KALRN: variants seen among roughly 807,000 people sequenced by gnomAD.
The protein encoded by KALRN is kalirin.
In KALRN, 70 loss-of-function variants were observed where a neutral mutation model predicts 353.7. The ratio of observed to expected loss-of-function variants is 0.20; its 90% confidence interval spans 0.16 to 0.24. The LOEUF (loss-of-function observed/expected upper bound fraction) is 0.24, where lower values mean the gene tolerates loss of function less well. Ranked by LOEUF, KALRN falls within the 10% of genes least tolerant of loss-of-function variation. KALRN has a pLI of 1.00. For synonymous variants in KALRN, 1,391 were observed against 1,434.8 expected (o/e 0.97, Z 0.69); for missense variants, 2,791 against 3,756.7 (o/e 0.74, Z 6.72).
At chr3:124,052,031 G>C (rs899917569) in intron 1 of KALRN, among the ~76,000 whole-genome samples, 1 of 152,322 alleles carries the variant, frequency 6.6e-6, no homozygotes. Context: ...ATAGCAGGTG[G>C]GGGGACAGGG....
intron 51 of KALRN, among the ~76,000 whole-genome samples, chr3:124,683,436 C>A (rs1282621616): frequency 6.6e-6 from 1 of 152,162 alleles, no homozygotes; most frequent in African/African-American, 2.4e-5. Flanking sequence ...TTTGTACCTG[C>A]CCCCTAGCCC....
At chr3:124,647,698 T>A (rs1484428089) in intron 37 of KALRN, among the ~76,000 whole-genome samples, 1 of 152,174 alleles carries the variant, frequency 6.6e-6, no homozygotes, top group Non-Finnish European at 1.5e-5. Context: ...TTTGCAAATA[T>A]TTAGCATGTA....
chr3:124,374,408 C>T (rs1219867716), intron 10 of KALRN: 1 of 152,206 alleles, frequency 6.6e-6, no homozygotes, highest in Non-Finnish European at 1.5e-5. Context: ...TACCTTTGCT[C>T]TTATATCAGA....
intron 12 of KALRN, among the ~76,000 whole-genome samples, chr3:124,396,503 T>C (rs2090176961): frequency 2.0e-5 from 3 of 152,198 alleles, no homozygotes; most frequent in Admixed American, 2.0e-4. Flanking sequence ...GTCATTTGCT[T>C]CCGAAGAGAA....
At chr3:124,371,305 A>G (rs1034292730) in intron 10 of KALRN, among the ~76,000 whole-genome samples, 7 of 152,160 alleles carry the variant, frequency 4.6e-5, no homozygotes, top group African/African-American at 1.7e-4. Context: ...CTCTTCATCC[A>G]TTTATTCACT....
chr3:124,199,846 C>T (rs2075798252), intron 1 of KALRN, among the ~76,000 whole-genome samples: 1 of 152,178 alleles, frequency 6.6e-6, no homozygotes, highest in Admixed American at 6.5e-5. Context: ...GACAAGATGG[C>T]CACTGGAAGG....
At chr3:124,652,149 A>T (rs2083486211) in intron 38 of KALRN, among the ~76,000 whole-genome samples, 1 of 152,196 alleles carries the variant, frequency 6.6e-6, no homozygotes, top group South Asian at 2.1e-4. Context: ...AACTAGCAAA[A>T]ATAAGTGAGG....
chr3:124,397,333 G>A (rs1233130842), intron 12 of KALRN, among the ~76,000 whole-genome samples: 2 of 152,198 alleles, frequency 1.3e-5, no homozygotes, highest in African/African-American at 4.8e-5. Context: ...CAGGAATAGG[G>A]AGCCCTGTGA....
intron 51 of KALRN, among the ~76,000 whole-genome samples, chr3:124,688,310 C>CAAAA (rs59265829): frequency 0.073 from 6,026 of 83,046 alleles, 243 homozygotes; most frequent in Middle Eastern, 0.16. Flanking sequence ...GAGACCCTGT[C>CAAAA]AAAAAAAAAA....
intron 1 of KALRN, among the ~76,000 whole-genome samples, chr3:124,040,559 C>T (rs1218167890): frequency 6.6e-6 from 1 of 152,180 alleles, no homozygotes; most frequent in Admixed American, 6.5e-5. Context: ...TCCAAAATGT[C>T]AGTAATGCTG....
chr3:124,130,783 A>G (rs1258167715), intron 1 of KALRN, among the ~76,000 whole-genome samples: 1 of 152,248 alleles, frequency 6.6e-6, no homozygotes, highest in Non-Finnish European at 1.5e-5. Context: ...TCAACGCCAC[A>G]GAATGTTATA....
chr3:124,711,207 C>A (rs952921920), intron 57 of KALRN, among the ~76,000 whole-genome samples: 2 of 151,860 alleles, frequency 1.3e-5, no homozygotes, highest in African/African-American at 2.4e-5. Flanking sequence ...ATTTTTAAAG[C>A]GAAAGGATCT....
At chr3:124,236,893 G>C (rs1232979987) in intron 3 of KALRN, among the ~76,000 whole-genome samples, 1 of 152,208 alleles carries the variant, frequency 6.6e-6, no homozygotes, top group Non-Finnish European at 1.5e-5. Context: ...GAACTGGAAG[G>C]CTCTTCACAG....
intron 1 of KALRN, among the ~76,000 whole-genome samples, chr3:124,102,412 C>T (rs912507428): frequency 7.2e-5 from 11 of 152,178 alleles, no homozygotes; most frequent in African/African-American, 2.7e-4. Context: ...AACCTCTTAG[C>T]CCTGATGTCC....
At chr3:124,223,205 C>T (rs953278725) in intron 1 of KALRN, among the ~76,000 whole-genome samples, 1 of 151,904 alleles carries the variant, frequency 6.6e-6, no homozygotes, top group Non-Finnish European at 1.5e-5. Flanking sequence ...TCACTGAAGC[C>T]CGACATATGG....
chr3:124,133,488 C>G (rs1374586308), intron 1 of KALRN, among the ~76,000 whole-genome samples: 1 of 152,210 alleles, frequency 6.6e-6, no homozygotes, highest in Non-Finnish European at 1.5e-5. Flanking sequence ...AGGTAGCTAA[C>G]AAGGACAGCC....
chr3:124,515,907 T>C (rs2066490920), intron 33 of KALRN, among the ~76,000 whole-genome samples: 1 of 152,218 alleles, frequency 6.6e-6, no homozygotes, highest in Non-Finnish European at 1.5e-5. Context: ...AAATAATGGC[T>C]TCCTGGATAA....
At chr3:124,686,012 A>G (rs565916726) in intron 51 of KALRN, among the ~76,000 whole-genome samples, 2 of 152,268 alleles carry the variant, frequency 1.3e-5, no homozygotes, top group South Asian at 4.1e-4. Flanking sequence ...TTTGATTAAC[A>G]CAAGGCATTG....
At chr3:124,237,271 A>T (rs1012287848) in intron 3 of KALRN, among the ~76,000 whole-genome samples, 2 of 152,124 alleles carry the variant, frequency 1.3e-5, no homozygotes, top group Non-Finnish European at 2.9e-5. Flanking sequence ...TCTGGGTCAG[A>T]TCCAGGATGC....
Sources: allele counts gnomAD v4.1 joint callset (sites outside exome capture counted in the v4.1 genomes callset), GRCh38; gene constraint gnomAD v4.1.1; transcripts MANE v1.5; gene names NCBI Gene and HGNC (gene_info 2026-07-23, HGNC 2026-07-21).